The following PUM3 variants were observed in gnomAD, a reference collection of about 807,000 sequenced individuals.
PUM3 encodes the protein pumilio RNA binding family member 3, also known as pumilio homolog 3.
A neutral mutation model predicts 84.0 loss-of-function variants in PUM3; 91 were observed. The observed-to-expected ratio is 1.08, with a 90% CI of 0.91 to 1.29. The LOEUF (loss-of-function observed/expected upper bound fraction) is 1.29, where lower values mean the gene tolerates loss of function less well. Ranked by LOEUF, PUM3 falls within the 50% of genes most tolerant of loss-of-function variation. The probability of loss-of-function intolerance (pLI) is 0.00; values close to 1 mark genes in which losing one functional copy is unlikely to be tolerated. For missense variants in PUM3, 1,067 were observed against 767.5 expected (o/e 1.39, Z -4.61); for synonymous variants, 321 against 266.7 (o/e 1.20, Z -1.98).
chr9:2,829,272 G>T (rs1187169626), intron 8 of PUM3, among the ~76,000 whole-genome samples: 1 of 152,190 alleles, frequency 6.6e-6, no homozygotes, highest in Non-Finnish European at 1.5e-5. Context: ...TAACCAGCTA[G>T]TCCCACTGCT....
At chr9:2,825,467 T>A (rs1815790841) in intron 10 of PUM3, among the ~76,000 whole-genome samples, 1 of 152,170 alleles carries the variant, frequency 6.6e-6, no homozygotes, top group Non-Finnish European at 1.5e-5. Flanking sequence ...TTTCCATGTA[T>A]ATAATTTCTT....
At chr9:2,843,654 C>T (rs187928409) in intron 1 of PUM3, among the ~76,000 whole-genome samples, 2 of 146,948 alleles carry the variant, frequency 1.4e-5, no homozygotes, top group Admixed American at 6.9e-5. Context: ...TCTTGGCTCA[C>T]TGCAAGCTCC....
Position 2,811,575 on chromosome 9 carries a change from T to A in PUM3, c.1421A>T (p.Asp474Val), listed in dbSNP as rs950642048. The change falls in exon 15 of 18, where the codon GAT becomes GTT. Residue 474 changes from aspartate to valine, a missense_variant. By Grantham distance (152) the Asp-to-Val change is radical. Transcript: ENST00000397885. Reference sequence around the variant, plus strand: ...GAGCTCCCGTCTGCGGACCTCTGTATCTTTCTTACTGTTGAGTATGTTGAA... The same window carrying A: ...GAGCTCCCGTCTGCGGACCTCTGTAACTTTCTTACTGTTGAGTATGTTGAA... ...KGDGNAHSKK[D>V]TEVRRRELLE... is the part of the protein sequence containing the mutation. 6.2e-7 allele frequency: 1 copy of A among 1,613,230 alleles called. No homozygotes were observed. Among genetic ancestry groups the A allele is most frequent in the East Asian group, 2.2e-5 (1 of 44,870 alleles).
rs773744912 is a variant in PUM3, at chr9:2,831,268, G to C, written c.593C>G (p.Ala198Gly). The change falls in exon 6 of 18, where the codon GCT becomes GGT. Residue 198 changes from alanine (A) to glycine (G), a missense_variant. By Grantham distance (60) the Ala-to-Gly change is moderately conservative (BLOSUM62 0). Transcript: ENST00000397885. ...ATAAATACCTCGCAATTCTTCAAAA[G>C]CCTGTTTTCTCTGTTCTTCATTACC... is the stretch of plus-strand genomic sequence containing the variant. ...QYGNEEQRKQ[A>G]FEELRDDLVE... 12 of 1,600,152 alleles carry C rather than the reference G, an allele frequency of 7.5e-6. No homozygotes were observed. The highest frequency in any genetic ancestry group is 1.7e-4 in the Middle Eastern group (1 of 6,024).
chr9:2,839,317 A>T (rs993288240), intron 1 of PUM3, among the ~76,000 whole-genome samples: 1 of 152,194 alleles, frequency 6.6e-6, no homozygotes, highest in Non-Finnish European at 1.5e-5. Context: ...CTGGCTGTAA[A>T]CAACAGATGT....
chr9:2,830,859 AC>A, intron 7 of PUM3, 102 bp downstream of exon 7: 1 of 657,472 alleles, frequency 1.5e-6, no homozygotes, highest in Non-Finnish European at 2.7e-6. Flanking sequence ...CATTACTATT[AC>A]TTATAAAGAC....
chr9:2,811,097 A>G (rs1246487095), intron 15 of PUM3, among the ~76,000 whole-genome samples: 1 of 152,216 alleles, frequency 6.6e-6, no homozygotes, highest in Non-Finnish European at 1.5e-5. Flanking sequence ...CGCAGGTGTC[A>G]GAAGCACCTT....
At chr9:2,841,507 G>A (rs1273761914) in intron 1 of PUM3, among the ~76,000 whole-genome samples, 2 of 152,202 alleles carry the variant, frequency 1.3e-5, no homozygotes, top group African/African-American at 2.4e-5. Context: ...GGCAGAGGCT[G>A]CAGCGAGCTG....
intron 17 of PUM3, 80 bp downstream of exon 17, chr9:2,807,734 G>A: frequency 2.3e-6 from 2 of 858,324 alleles, no homozygotes; most frequent in Admixed American, 1.9e-5. Flanking sequence ...ACAAATATTA[G>A]AACTGAGAAA....
chr9:2,829,917 T>A lies in PUM3; in HGVS notation c.709A>T (p.Ser237Cys), dbSNP rs1815929219. Residue 237 changes from serine to cysteine, a missense_variant, in exon 8 of 18, where the codon AGT becomes TGT. Transcript: ENST00000397885. The stretch of plus-strand genomic sequence containing the variant: ...ATCTTCCTCACGTGGCCTTTAAAAC[T>A]TCTGATTATCTCTGCAATCTGTGGT... ...SKPQIAEIIRSFKGHVRKMLR... is the reference protein window; with the variant it reads ...SKPQIAEIIRCFKGHVRKMLR... 3.7e-6 allele frequency: 6 copies of A among 1,613,432 alleles called. No individual in the cohort carries two copies. The highest frequency in any genetic ancestry group is 3.3e-4 in the Middle Eastern group (2 of 6,084).
chr9:2,807,964 C>CT (rs1285045504), intron 16 of PUM3, 60 bp from the exon 17 acceptor site: 2 of 1,028,830 alleles, frequency 1.9e-6, no homozygotes, highest in African/African-American at 3.2e-5. Flanking sequence ...TCCCTACCCC[C>CT]TTCTCTACTG....
chr9:2,812,174 CATTA>C (rs1454375651), intron 14 of PUM3, 42 bp downstream of exon 14: 13 of 1,557,592 alleles, frequency 8.3e-6, no homozygotes, highest in Non-Finnish European at 1.1e-5. Flanking sequence ...CACTACTCAA[CATTA>C]ACAGAGGAAT....
chr9:2,837,409 C>A lies in PUM3; in HGVS notation c.83-8G>T. The stretch of plus-strand genomic sequence containing the variant: ...TCTTTGAAGAACCAGAATCTAGTGA[C>A]AATAATAATTATAAGTTCAATGATT... On this transcript the variant is annotated splice_region_variant and splice_polypyrimidine_tract_variant and intron_variant, in intron 2 of 17. Coordinates refer to ENST00000397885, the MANE Select transcript of PUM3 (RefSeq NM_014878.5). The A allele has an allele frequency of 6.4e-7, 1 of 1,559,392 alleles. No homozygotes were observed.
At position 2,828,233 on chromosome 9, in the gene PUM3, G is replaced by A. The variant is rs1167459433; in HGVS notation, c.956+442C>T. ...ATTTTCTTATTTTTTCGTAGAGATG[G>A]GGTCTTGCTATTGCCCCAGATGGTC... On this transcript the variant is annotated intron_variant, in intron 9 of 17. Transcript: ENST00000397885. Among the ~76,000 whole-genome samples the A allele has an allele frequency of 3.3e-5, 5 of 152,168 alleles. No individual in the cohort carries two copies. The East Asian group carries it at 7.7e-4, about 24-fold the overall frequency.
At chr9:2,825,829 C>A (rs567196660) in intron 10 of PUM3, among the ~76,000 whole-genome samples, 20 of 152,114 alleles carry the variant, frequency 1.3e-4, no homozygotes, top group Non-Finnish European at 2.4e-4. Flanking sequence ...GTTCTGGCAA[C>A]TAACAAGTGC....
In PUM3 at chr9:2,833,336, CAAT is replaced by C. The variant is rs768905325; in HGVS notation, c.516+18_516+20del. The C allele has an allele frequency of 2.9e-5, 40 of 1,379,692 alleles. No individual in the cohort carries two copies. Among genetic ancestry groups the C allele is most frequent in the African/African-American group, 4.3e-5 (3 of 69,438 alleles). 85.5% of individuals were successfully genotyped at this position (1,379,692 alleles called of 1,614,324 possible). A position where few individuals can be genotyped will look rare whatever the true frequency, so the allele number is the denominator to read the frequency against. On this transcript the variant is annotated intron_variant, in intron 5 of 17. Coordinates refer to ENST00000397885, the MANE Select transcript of PUM3 (RefSeq NM_014878.5). ...CAACTTCAACTGTTAAAAATTGCAA[CAAT>C]GAGTATATGCTACTTACAGTTTTAA...
chr9:2,833,576 C>T, intron 4 of PUM3, 144 bp from the exon 5 acceptor site: 2 of 505,688 alleles, frequency 4.0e-6, no homozygotes, highest in Middle Eastern at 5.1e-4. Flanking sequence ...ATTAAAATTA[C>T]TATTCCAGAG....
intron 5 of PUM3, among the ~76,000 whole-genome samples, chr9:2,832,793 A>G (rs2129869063): frequency 6.6e-6 from 1 of 152,344 alleles, no homozygotes; most frequent in South Asian, 2.1e-4. Context: ...CAGGTGCCGT[A>G]AAACTATGAG....
At chr9:2,808,060 T>G (rs1821297974) in intron 16 of PUM3, 156 bp from the exon 17 acceptor site, 3 of 591,702 alleles carry the variant, frequency 5.1e-6, no homozygotes, top group Non-Finnish European at 9.0e-6. Flanking sequence ...AAAATTCCAG[T>G]GCAGGTTTAT....
Sources: gnomAD v4.1 joint callset for allele counts (sites outside exome capture counted in the v4.1 genomes callset) on GRCh38, gnomAD v4.1.1 for gene constraint, MANE v1.5 for transcripts, NCBI Gene and HGNC (gene_info 2026-07-23, HGNC 2026-07-21) for gene names.